The following ETV6 variants were observed in gnomAD, a reference collection of about 807,000 sequenced individuals.
ETV6 encodes the protein ETS variant transcription factor 6.
ETV6 carries 16 observed loss-of-function variants against 51.1 expected under a neutral mutation model. The ratio of observed to expected loss-of-function variants is 0.31; its 90% CI spans 0.21 to 0.48. ETV6 has a LOEUF of 0.48. Ranked by LOEUF, ETV6 falls within the 20% of genes least tolerant of loss-of-function variation. The pLI, the probability that ETV6 is intolerant of heterozygous loss-of-function variation, is 0.99. For synonymous variants in ETV6, 240 were observed against 224.1 expected (o/e 1.07, Z -0.64); for missense variants, 458 against 594.8 (o/e 0.77, Z 2.39).
In ETV6 at chr12:11,650,492, A is replaced by AAAC. The variant is rs1555109514; in HGVS notation, c.33+334_33+335insCAA. On this transcript the variant is annotated intron_variant, in intron 1 of 7. Transcript: ENST00000396373. ...GTAATTAGTGCGCTTAAAAAAAAAA[A>AAAC]AAACAAAAAACAAAAAAAAAAAACC... Among the ~76,000 whole-genome samples, 458 of 68,750 alleles carry AAAC rather than the reference A, an allele frequency of 6.7e-3. 11 individuals are homozygous for AAAC. Among genetic ancestry groups the AAAC allele is most frequent in the Non-Finnish European group, 0.011 (376 of 33,716 alleles). 45.1% of individuals were successfully genotyped at this position (68,750 alleles called of 152,430 possible).
At chr12:11,771,375 G>A (rs1229687554) in intron 2 of ETV6, among the ~76,000 whole-genome samples, 1 of 152,208 alleles carries the variant, frequency 6.6e-6, no homozygotes, top group African/African-American at 2.4e-5. Context: ...CACTTTGTCT[G>A]AGTAGTCATA....
At position 11,704,775 on chromosome 12, in the gene ETV6, TTG is replaced by T. The variant is rs58321366; in HGVS notation, c.34-47654_34-47653del. ...GGTAGGCAACCATTCTCACAGGGGT[TTG>T]TGTGTGTGTGTGTGTGTGTGGGACA... is the stretch of plus-strand genomic sequence containing the variant. On this transcript the variant is annotated intron_variant, in intron 1 of 7. Transcript: ENST00000396373. Among the ~76,000 whole-genome samples the T allele has an allele frequency of 2.8e-3, 420 of 148,266 alleles. 2 individuals are homozygous for T. The highest frequency in any genetic ancestry group is 6.5e-3 in the African/African-American group (264 of 40,756).
intron 2 of ETV6, among the ~76,000 whole-genome samples, chr12:11,828,992 CA>C (rs1362775718): frequency 1.2e-4 from 19 of 152,096 alleles, no homozygotes; most frequent in African/African-American, 4.6e-4. Flanking sequence ...CCTGAGCGGG[CA>C]CCTCCTTCAG....
chr12:11,670,814 A>G (rs1482995965), intron 1 of ETV6, among the ~76,000 whole-genome samples: 1 of 152,240 alleles, frequency 6.6e-6, no homozygotes, highest in Non-Finnish European at 1.5e-5. Context: ...TATTCTACCT[A>G]AAGCATGACA....
At chr12:11,788,756 GTT>G (rs1336998892) in intron 2 of ETV6, among the ~76,000 whole-genome samples, 2,759 of 102,456 alleles carry the variant, frequency 0.027, 98 homozygotes, top group African/African-American at 0.081. Context: ...GCTTGTATTG[GTT>G]TTTTTTTTTT....
intron 3 of ETV6, among the ~76,000 whole-genome samples, 162 bp from the exon 4 acceptor site, chr12:11,853,265 G>C (rs1456274243): frequency 6.6e-6 from 1 of 152,246 alleles, no homozygotes; most frequent in Non-Finnish European, 1.5e-5. Flanking sequence ...TGAGTTTCAA[G>C]TGCTGCATTC....
rs1201891403 is a variant in ETV6 at position 11,893,210 on chromosome 12, G to C, written c.*2164G>C. 18 of 232,688 alleles carry C rather than the reference G, an allele frequency of 7.7e-5. No individual in the cohort carries two copies. In the Admixed American group the frequency reaches 1.0e-3, roughly 13 times the overall value. 14.4% of individuals were successfully genotyped at this position (232,688 alleles called of 1,614,324 possible). A position where few individuals can be genotyped will look rare whatever the true frequency, so the allele number is the denominator to read the frequency against. ...TACCTGATGTATTGTGAAAGCCACTGATTTTAAGAATGGAGAGAAAGGGAT... is the reference window on the plus strand; with the variant it reads ...TACCTGATGTATTGTGAAAGCCACTCATTTTAAGAATGGAGAGAAAGGGAT... On this transcript the variant is annotated 3_prime_UTR_variant, in exon 8 of 8. Coordinates refer to ENST00000396373, the MANE Select transcript of ETV6 (RefSeq NM_001987.5).
intron 1 of ETV6, among the ~76,000 whole-genome samples, chr12:11,738,855 A>T (rs1228241595): frequency 6.6e-6 from 1 of 152,208 alleles, no homozygotes; most frequent in African/African-American, 2.4e-5. Context: ...AACAAGTCAT[A>T]TCCAAAAGAG....
intron 1 of ETV6, among the ~76,000 whole-genome samples, chr12:11,720,977 T>C (rs572888703): frequency 6.6e-6 from 1 of 152,222 alleles, no homozygotes; most frequent in Non-Finnish European, 1.5e-5. Flanking sequence ...ATGCTTATTA[T>C]CACTAATCAT....
intron 5 of ETV6, among the ~76,000 whole-genome samples, chr12:11,876,924 A>T (rs1184327233): frequency 6.6e-6 from 1 of 152,202 alleles, no homozygotes; most frequent in African/African-American, 2.4e-5. Context: ...TGGAATCTTT[A>T]AAGGTAGCCT....
chr12:11,750,882 A>T, intron 1 of ETV6: 1 of 484,610 alleles, frequency 2.1e-6, no homozygotes, highest in South Asian at 1.6e-5. Flanking sequence ...AGTTTCTCAA[A>T]ATACATGTGA....
At chr12:11,717,460 A>G (rs1301846149) in intron 1 of ETV6, among the ~76,000 whole-genome samples, 2 of 152,190 alleles carry the variant, frequency 1.3e-5, no homozygotes, top group Admixed American at 6.5e-5. Flanking sequence ...ATATTCATTT[A>G]TCCTAAATAA....
chr12:11,797,768 T>C (rs1945699700), intron 2 of ETV6, among the ~76,000 whole-genome samples: 1 of 152,170 alleles, frequency 6.6e-6, no homozygotes, highest in Non-Finnish European at 1.5e-5. Context: ...CAGCCAAGCA[T>C]CTCACTGCAG....
intron 4 of ETV6, among the ~76,000 whole-genome samples, chr12:11,857,630 A>G (rs1281247582): frequency 6.6e-6 from 1 of 152,256 alleles, no homozygotes; most frequent in African/African-American, 2.4e-5. Flanking sequence ...AGCCAGGACT[A>G]CATATCAAAT....
At chr12:11,701,650 G>T (rs903261833) in intron 1 of ETV6, among the ~76,000 whole-genome samples, 1 of 152,222 alleles carries the variant, frequency 6.6e-6, no homozygotes, top group African/African-American at 2.4e-5. Flanking sequence ...ATTAATGTTC[G>T]CTTAGCAACT....
chr12:11,805,692 C>A (rs1770309582), intron 2 of ETV6, among the ~76,000 whole-genome samples: 1 of 152,186 alleles, frequency 6.6e-6, no homozygotes, highest in Non-Finnish European at 1.5e-5. Context: ...CCCAGCCCAA[C>A]TGGCATTCAT....
intron 2 of ETV6, among the ~76,000 whole-genome samples, chr12:11,812,841 A>G (rs950867254): frequency 1.3e-5 from 2 of 152,170 alleles, no homozygotes; most frequent in Non-Finnish European, 2.9e-5. Context: ...CTGCTTCACC[A>G]CCACAAGGGG....
At chr12:11,828,945 G>A (rs1032936641) in intron 2 of ETV6, among the ~76,000 whole-genome samples, 1 of 152,044 alleles carries the variant, frequency 6.6e-6, no homozygotes, top group African/African-American at 2.4e-5. Flanking sequence ...TTTTGCTCCT[G>A]GGGCAAATGT....
chr12:11,778,191 G>C (rs904030812), intron 2 of ETV6, among the ~76,000 whole-genome samples: 3 of 152,238 alleles, frequency 2.0e-5, no homozygotes, highest in Non-Finnish European at 4.4e-5. Context: ...CTTATCTCAT[G>C]CAGTTATTGT....
Sources: gnomAD v4.1 joint callset for allele counts (sites outside exome capture counted in the v4.1 genomes callset) on GRCh38, gnomAD v4.1.1 for gene constraint, MANE v1.5 for transcripts, NCBI Gene and HGNC (gene_info 2026-07-23, HGNC 2026-07-21) for gene names.